PPP2R3A: variants seen among roughly 807,000 people sequenced by gnomAD.
PPP2R3A encodes protein phosphatase 2 regulatory subunit B''alpha.
In PPP2R3A, 80 loss-of-function variants were observed where a neutral mutation model predicts 106.9. That is an observed-to-expected ratio of 0.75 (90% CI 0.62 to 0.90). PPP2R3A has a LOEUF of 0.90. PPP2R3A is among the 40% of genes least tolerant of loss of function. The pLI is 0.00. For missense variants in PPP2R3A, 1,386 were observed against 1,350.4 expected, an observed-to-expected ratio of 1.03 and a Z score of -0.41; for synonymous variants, 483 against 468.3, an observed-to-expected ratio of 1.03 and a Z score of -0.41.
chr3:136,050,070 T>C (rs1282165873), intron 5 of PPP2R3A, among the ~76,000 whole-genome samples: 1 of 152,194 alleles, frequency 6.6e-6, no homozygotes, highest in Admixed American at 6.5e-5. Context: ...ATAATGGCAG[T>C]AGTCCCAATC....
intron 5 of PPP2R3A, among the ~76,000 whole-genome samples, chr3:136,059,372 G>GA (rs1389032382): frequency 9.9e-5 from 15 of 151,920 alleles, no homozygotes; most frequent in Admixed American, 7.2e-4. Context: ...ACGATCATAT[G>GA]AAAAAAAACT....
At chr3:136,119,947 A>G (rs187982121) in intron 13 of PPP2R3A, among the ~76,000 whole-genome samples, 1 of 152,196 alleles carries the variant, frequency 6.6e-6, no homozygotes, top group Non-Finnish European at 1.5e-5. Flanking sequence ...AAGACTTGGA[A>G]CCAACCCAAA....
chr3:136,138,103 A>C (rs1321969232), intron 13 of PPP2R3A, among the ~76,000 whole-genome samples: 1 of 152,220 alleles, frequency 6.6e-6, no homozygotes, highest in Non-Finnish European at 1.5e-5. Flanking sequence ...CATGAGTTAT[A>C]ATATTACAGA....
chr3:136,128,028 A>G (rs1445915834), intron 13 of PPP2R3A, among the ~76,000 whole-genome samples: 1 of 152,228 alleles, frequency 6.6e-6, no homozygotes, highest in Non-Finnish European at 1.5e-5. Context: ...AAACATGGAA[A>G]GAAGCAACCG....
At chr3:136,017,949 ATGGATTTACATG>A (rs1934335700) in intron 2 of PPP2R3A, among the ~76,000 whole-genome samples, 1 of 152,194 alleles carries the variant, frequency 6.6e-6, no homozygotes. Flanking sequence ...AGACTGTTGA[ATGGATTTACATG>A]TTTATATATA....
At chr3:136,137,029 AAGAC>A (rs761683468) in intron 13 of PPP2R3A, among the ~76,000 whole-genome samples, 7 of 152,238 alleles carry the variant, frequency 4.6e-5, no homozygotes, top group Non-Finnish European at 7.3e-5. Context: ...AGAAGCCAGA[AAGAC>A]AGGGTACCAG....
chr3:136,050,664 G>A (rs1202498882), intron 5 of PPP2R3A, among the ~76,000 whole-genome samples: 1 of 152,148 alleles, frequency 6.6e-6, no homozygotes, highest in Non-Finnish European at 1.5e-5. Flanking sequence ...GTGTTGCCAG[G>A]CAGCAGGGTC....
At chr3:135,974,044 C>A (rs1366566747) in intron 1 of PPP2R3A, among the ~76,000 whole-genome samples, 3 of 152,204 alleles carry the variant, frequency 2.0e-5, no homozygotes, top group African/African-American at 4.8e-5. Flanking sequence ...TCTCAGTCTT[C>A]CTCTTACTTG....
At chr3:136,055,739 C>G (rs556686913) in intron 5 of PPP2R3A, 60 of 681,758 alleles carry the variant, frequency 8.8e-5, no homozygotes, top group African/African-American at 8.6e-4. Context: ...CTTGGGAAAT[C>G]ATCTTTATGG....
At chr3:136,131,944 T>C (rs1938438743) in intron 13 of PPP2R3A, among the ~76,000 whole-genome samples, 2 of 138,630 alleles carry the variant, frequency 1.4e-5, no homozygotes, top group Admixed American at 1.7e-4. Context: ...TTCTCACTCA[T>C]AGGTGGGAAT....
chr3:136,072,812 A>G (rs1462114758), intron 6 of PPP2R3A, among the ~76,000 whole-genome samples: 1 of 152,202 alleles, frequency 6.6e-6, no homozygotes, highest in Non-Finnish European at 1.5e-5. Flanking sequence ...AAAGAGTAAA[A>G]TGGAAATAAG....
intron 7 of PPP2R3A, 58 bp downstream of exon 7, chr3:136,078,511 A>G (rs1936668900): frequency 8.7e-7 from 1 of 1,145,328 alleles, no homozygotes; most frequent in African/African-American, 1.6e-5. Context: ...TTCTTACTTT[A>G]TTTAACAAAT....
At position 136,078,421 on chromosome 3, in the gene PPP2R3A, T is replaced by C; in HGVS notation, c.2599T>C (p.Ser867Pro). Residue 867 changes from serine to proline, a missense_variant, in exon 7 of 14, where the codon TCG (serine) becomes CCG (proline). Physicochemically the swap from Ser to Pro is moderately conservative, Grantham distance 74. Coordinates refer to ENST00000264977, the MANE Select transcript of PPP2R3A (RefSeq NM_002718.5). The stretch of plus-strand genomic sequence containing the variant: ...CAGATCTTGGAGTGGAAAAATTACT[T>C]CGACAGAGATAAGAAAAAGCAACTT... The part of the protein sequence containing the change: ...VNRSWSGKIT[S>P]TEIRKSNFLQ... 1 of 1,610,812 alleles carries C rather than the reference T, an allele frequency of 6.2e-7. No individual in the cohort carries two copies. The highest frequency in any genetic ancestry group is 8.5e-7 in the Non-Finnish European group (1 of 1,177,524).
intron 13 of PPP2R3A, among the ~76,000 whole-genome samples, chr3:136,120,482 G>T (rs1481871487): frequency 3.3e-5 from 5 of 152,078 alleles, no homozygotes; most frequent in Non-Finnish European, 5.9e-5. Context: ...CAGCTATTAA[G>T]GAGGCCGAGG....
At chr3:136,093,070 C>T (rs1239644889) in intron 10 of PPP2R3A, among the ~76,000 whole-genome samples, 2 of 152,172 alleles carry the variant, frequency 1.3e-5, no homozygotes, top group African/African-American at 2.4e-5. Flanking sequence ...ACACCAAAAG[C>T]ATAAGTATCA....
chr3:136,042,825 C>T (rs1935332362), intron 4 of PPP2R3A, among the ~76,000 whole-genome samples: 1 of 152,154 alleles, frequency 6.6e-6, no homozygotes, highest in African/African-American at 2.4e-5. Flanking sequence ...CTAGTGGAAA[C>T]TCCTCTTTGA....
rs1427346694 is a variant in PPP2R3A, at chr3:136,001,267, G to A, written c.-232G>A. 8.5e-6 allele frequency: 4 copies of A among 472,818 alleles called. No individual in the cohort carries two copies. The highest frequency in any genetic ancestry group is 2.0e-5 in the African/African-American group (1 of 50,460). 29.3% of individuals were successfully genotyped at this position (472,818 alleles called of 1,614,324 possible). On this transcript the variant is annotated 5_prime_UTR_variant, in exon 2 of 14. Coordinates refer to ENST00000264977, the MANE Select transcript of PPP2R3A (RefSeq NM_002718.5). ...TAATATTACTAAATAAAATTAAAAA[G>A]CACAATTATTAAATTATTAAATTTG...
chr3:136,087,860 AT>A (rs201690066), intron 8 of PPP2R3A, 22 bp from the exon 9 acceptor site: 1,772 of 1,428,624 alleles, frequency 1.2e-3, no homozygotes, highest in South Asian at 2.5e-3. Context: ...TAGCTTTGCA[AT>A]TTTTTTTTTA....
chr3:136,089,972 T>C lies in PPP2R3A; in HGVS notation c.2838-606T>C, dbSNP rs1937054625. Among the ~76,000 whole-genome samples the C allele has an allele frequency of 2.0e-5, 3 of 152,254 alleles. No individual in the cohort carries two copies. In the South Asian group the frequency reaches 6.2e-4, roughly 31 times the overall value. On this transcript the variant is annotated intron_variant, in intron 9 of 13. Coordinates refer to ENST00000264977, the MANE Select transcript of PPP2R3A (RefSeq NM_002718.5). ...ACATTGATTTTGTATCCCGAAACTT[T>C]AATGAAATTATTATTAGTTCTGAAA...
Sources: gnomAD v4.1 joint callset for allele counts (sites outside exome capture counted in the v4.1 genomes callset) on GRCh38, gnomAD v4.1.1 for gene constraint, MANE v1.5 for transcripts, NCBI Gene and HGNC (gene_info 2026-07-23, HGNC 2026-07-21) for gene names.